Variants in MITF observed in about 807,000 individuals in gnomAD.
MITF encodes the protein microphthalmia-associated transcription factor.
MITF carries 17 observed loss-of-function variants against 60.5 expected under a neutral mutation model. The observed-to-expected ratio is 0.28, with a 90% CI of 0.19 to 0.42. The LOEUF (loss-of-function observed/expected upper bound fraction) is 0.42. Among genes scored for constraint, MITF ranks in the 10% least tolerant of loss-of-function variants. The pLI, the probability that MITF is intolerant of heterozygous loss-of-function variation, is 1.00. For synonymous variants in MITF, 260 were observed against 248.5 expected (o/e 1.05, Z -0.43); for missense variants, 622 against 683.5 (o/e 0.91, Z 1.00).
Position 69,937,953 on chromosome 3 carries a change from C to A in MITF, c.486C>A (p.Asn162Lys). The A allele has an allele frequency of 1.2e-6, 2 of 1,614,176 alleles. No individual in the cohort carries two copies. ...AAGTCCTGAGCTTGCCATGTCCAAA[C>A]CAGCCTGGCGATCATGTCATGCCAC... ...ANQVLSLPCP[N>K]QPGDHVMPPV... Residue 162 changes from asparagine to lysine, a missense_variant, in exon 3 of 10, where the codon AAC becomes AAA. This residue lies in a region of MITF where 215 missense variants were observed against 224.8 expected (regional missense o/e 0.96). Coordinates refer to ENST00000352241, the MANE Select transcript of MITF (RefSeq NM_001354604.2).
chr3:69,927,104 C>T (rs942445959), intron 2 of MITF, among the ~76,000 whole-genome samples: 2 of 150,564 alleles, frequency 1.3e-5, no homozygotes, highest in Non-Finnish European at 2.9e-5. Context: ...GAGACTTGAC[C>T]GAGTAATTTG....
At chr3:69,798,321 T>C (rs2062863816) in intron 1 of MITF, among the ~76,000 whole-genome samples, 1 of 152,240 alleles carries the variant, frequency 6.6e-6, no homozygotes, top group Non-Finnish European at 1.5e-5. Context: ...TATATGTTTT[T>C]GTCAGCTGCA....
At chr3:69,900,408 T>C (rs2064970074) in intron 2 of MITF, among the ~76,000 whole-genome samples, 1 of 152,336 alleles carries the variant, frequency 6.6e-6, no homozygotes, top group Non-Finnish European at 1.5e-5. Flanking sequence ...ACATCCTTAA[T>C]TAGTTTTGCA....
chr3:69,826,790 TAA>T (rs567812945), intron 1 of MITF, among the ~76,000 whole-genome samples: 63 of 152,304 alleles, frequency 4.1e-4, no homozygotes, highest in Non-Finnish European at 7.8e-4. Flanking sequence ...CTTTTTAAAT[TAA>T]AGTTTTATAC....
chr3:69,845,893 G>C (rs1453218171), intron 1 of MITF, among the ~76,000 whole-genome samples: 1 of 152,178 alleles, frequency 6.6e-6, no homozygotes, highest in East Asian at 1.9e-4. Flanking sequence ...ATGGCTCTGT[G>C]TGTGCATGTG....
chr3:69,864,316 G>A (rs1482248637), intron 1 of MITF, among the ~76,000 whole-genome samples: 1 of 152,158 alleles, frequency 6.6e-6, no homozygotes. Flanking sequence ...AAAGAGAGGT[G>A]GGATAGGTTA....
chr3:69,824,583 G>A (rs998291409), intron 1 of MITF, among the ~76,000 whole-genome samples: 5 of 152,158 alleles, frequency 3.3e-5, no homozygotes, highest in South Asian at 2.1e-4. Context: ...GCATTCTCAC[G>A]TGGCTTCTGC....
intron 5 of MITF, among the ~76,000 whole-genome samples, chr3:69,947,230 A>G (rs2066119878): frequency 6.6e-6 from 1 of 152,222 alleles, no homozygotes; most frequent in South Asian, 2.1e-4. Context: ...TGAATTTTCA[A>G]GTCACATTCT....
intron 3 of MITF, chr3:69,938,583 T>A (rs1252504383): frequency 7.2e-7 from 1 of 1,381,834 alleles, no homozygotes; most frequent in Non-Finnish European, 9.3e-7. Flanking sequence ...AATTGCTGGA[T>A]ACATTCTGTT....
At chr3:69,962,499 G>A (rs761835906) in intron 9 of MITF, among the ~76,000 whole-genome samples, 4 of 152,198 alleles carry the variant, frequency 2.6e-5, no homozygotes, top group Non-Finnish European at 5.9e-5. Flanking sequence ...AGACTGAAAC[G>A]TGGCTTTGCA....
At chr3:69,924,049 A>G (rs1575973143) in intron 2 of MITF, among the ~76,000 whole-genome samples, 1 of 152,312 alleles carries the variant, frequency 6.6e-6, no homozygotes, top group East Asian at 1.9e-4. Context: ...TGTTTGAAAG[A>G]GGTAGTCATG....
chr3:69,902,678 A>G (rs1317333601), intron 2 of MITF, among the ~76,000 whole-genome samples: 2 of 152,190 alleles, frequency 1.3e-5, no homozygotes, highest in Non-Finnish European at 2.9e-5. Flanking sequence ...CAGACAAAAA[A>G]TACTACTTTT....
intron 2 of MITF, 43 bp downstream of exon 2, chr3:69,879,426 C>T: frequency 6.2e-7 from 1 of 1,613,546 alleles, no homozygotes; most frequent in South Asian, 1.1e-5. Context: ...AACTCTCTTC[C>T]ATTTTCCATT....
At chr3:69,787,737 C>G (rs1418394071) in intron 1 of MITF, among the ~76,000 whole-genome samples, 1 of 151,966 alleles carries the variant, frequency 6.6e-6, no homozygotes, top group Non-Finnish European at 1.5e-5. Context: ...GACATTGAGC[C>G]TCATGTTTTA....
intron 2 of MITF, among the ~76,000 whole-genome samples, chr3:69,908,026 G>A (rs2065138966): frequency 6.6e-6 from 1 of 152,110 alleles, no homozygotes; most frequent in East Asian, 1.9e-4. Flanking sequence ...AGCTTTTTTT[G>A]TTGTTGTTTG....
At chr3:69,818,535 A>G (rs1446401256) in intron 1 of MITF, among the ~76,000 whole-genome samples, 5 of 152,152 alleles carry the variant, frequency 3.3e-5, no homozygotes, top group African/African-American at 1.2e-4. Flanking sequence ...GTTATTACTC[A>G]CATGCCCACC....
At chr3:69,854,618 CTG>C (rs1432442050) in intron 1 of MITF, among the ~76,000 whole-genome samples, 1 of 152,140 alleles carries the variant, frequency 6.6e-6, no homozygotes, top group Non-Finnish European at 1.5e-5. Flanking sequence ...GAGGGGCTGA[CTG>C]TATTTTGTCT....
chr3:69,960,751 T>C (rs1419954422), intron 9 of MITF, among the ~76,000 whole-genome samples: 2 of 152,262 alleles, frequency 1.3e-5, no homozygotes, highest in Admixed American at 6.5e-5. Context: ...GCGACCATTG[T>C]GTTTCACCTA....
intron 1 of MITF, among the ~76,000 whole-genome samples, chr3:69,851,973 A>G (rs1239564074): frequency 6.6e-6 from 1 of 152,100 alleles, no homozygotes; most frequent in African/African-American, 2.4e-5. Flanking sequence ...GGGAAATCCT[A>G]AAGGAAATAC....
Sources: gnomAD v4.1 joint callset for allele counts (sites outside exome capture counted in the v4.1 genomes callset) on GRCh38, gnomAD v4.1.1 for gene constraint, gnomAD v4.1.1 regional missense constraint, MANE v1.5 for transcripts, NCBI Gene and HGNC (gene_info 2026-07-23, HGNC 2026-07-21) for gene names.